ODAD4: variants seen among roughly 807,000 people sequenced by gnomAD.
The protein encoded by ODAD4 is outer dynein arm docking complex subunit 4, also known as outer dynein arm-docking complex subunit 4.
In ODAD4, 49 loss-of-function variants were observed where a neutral mutation model predicts 51.8. The observed-to-expected ratio is 0.95, with a 90% confidence interval of 0.75 to 1.20. ODAD4 has a LOEUF of 1.20. Among genes scored for constraint, ODAD4 ranks in the 50% most tolerant of loss-of-function variants. ODAD4 has a pLI of 0.00. For synonymous variants in ODAD4, 235 were observed against 221.3 expected (o/e 1.06, Z -0.55); for missense variants, 590 against 586.5 (o/e 1.01, Z -0.06).
intron 1 of ODAD4, among the ~76,000 whole-genome samples, chr17:41,934,337 G>T (rs927558844): frequency 1.4e-5 from 2 of 142,668 alleles, no homozygotes; most frequent in African/African-American, 5.3e-5. Flanking sequence ...CACTGCACCC[G>T]GCCTCTTTTT....
At chr17:41,941,698 G>A (rs911704146) in intron 7 of ODAD4, among the ~76,000 whole-genome samples, 6 of 151,142 alleles carry the variant, frequency 4.0e-5, no homozygotes, top group South Asian at 2.1e-4. Flanking sequence ...GGAGAATGGC[G>A]TGAACCCAGG....
intron 11 of ODAD4, among the ~76,000 whole-genome samples, chr17:41,964,438 C>T (rs1555642192): frequency 6.6e-6 from 1 of 152,178 alleles, no homozygotes. Flanking sequence ...TTCATGATGT[C>T]TGGATGGGAT....
chr17:41,930,965 C>T, intron 1 of ODAD4, 128 bp downstream of exon 1: 1 of 572,848 alleles, frequency 1.7e-6, no homozygotes, highest in Non-Finnish European at 3.0e-6. Flanking sequence ...ACGATCTCGG[C>T]TCGCCGCAAC....
intron 10 of ODAD4, among the ~76,000 whole-genome samples, chr17:41,956,327 G>T (rs1166320337): frequency 6.6e-6 from 1 of 151,794 alleles, no homozygotes; most frequent in African/African-American, 2.4e-5. Flanking sequence ...GGGATTATAG[G>T]TGTGAGCCAC....
chr17:41,947,395 G>C (rs1228457588), intron 8 of ODAD4, among the ~76,000 whole-genome samples: 5 of 151,864 alleles, frequency 3.3e-5, no homozygotes, highest in Middle Eastern at 3.2e-3. Context: ...TGAGGCAGGA[G>C]AATTGCTTGA....
rs1555636571 is a variant in ODAD4, at chr17:41,930,691, G to A, written c.-33G>A. ...GAGGTTCTCCAGCTTTTCTTTGATT[G>A]TCTCTGCTTTAGCGTCTCTAAATCC... On this transcript the variant is annotated 5_prime_UTR_variant, in exon 1 of 12. Coordinates refer to ENST00000377540, the MANE Select transcript of ODAD4 (RefSeq NM_031421.5). The A allele has an allele frequency of 1.4e-6, 2 of 1,391,792 alleles. No homozygotes were observed. Among genetic ancestry groups the A allele is most frequent in the Non-Finnish European group, 2.0e-6 (2 of 992,188 alleles). 86.2% of individuals were successfully genotyped at this position (1,391,792 alleles called of 1,614,324 possible). A position where few individuals can be genotyped will look rare whatever the true frequency, so the allele number is the denominator to read the frequency against.
chr17:41,940,338 G>T (rs2050489047), intron 7 of ODAD4, among the ~76,000 whole-genome samples: 1 of 152,188 alleles, frequency 6.6e-6, no homozygotes, highest in Non-Finnish European at 1.5e-5. Context: ...CTGCCTGCAG[G>T]TTAAAGGTCA....
At position 41,936,910 on chromosome 17, in the gene ODAD4, A is replaced by G. The variant is rs1312045885; in HGVS notation, c.608A>G (p.Lys203Arg). 1.9e-6 allele frequency: 3 copies of G among 1,613,770 alleles called. No individual in the cohort carries two copies. The highest frequency in any genetic ancestry group is 2.5e-6 in the Non-Finnish European group (3 of 1,179,848). The stretch of plus-strand genomic sequence containing the variant: ...TACGTGGACAAAGAGTATTTGGAGA[A>G]GCTCCTATTGGATGAAGGTTTCGGA... ...ELYVDKEYLE[K>R]LLLDEDLIKG... is the part of the protein sequence containing the mutation. Residue 203 changes from lysine (K) to arginine (R), a missense_variant, in exon 5 of 12, where the codon AAG (lysine) becomes AGG (arginine). Lys to Arg is a conservative substitution (Grantham distance 26, BLOSUM62 2). This residue lies in a region of ODAD4 where 360 missense variants were observed against 407.5 expected (regional missense o/e 0.88). Coordinates refer to ENST00000377540, the MANE Select transcript of ODAD4 (RefSeq NM_031421.5).
intron 7 of ODAD4, among the ~76,000 whole-genome samples, chr17:41,944,444 A>ACACACACACACACACCCC (rs1191101800): frequency 2.6e-4 from 5 of 19,570 alleles, no homozygotes; most frequent in Non-Finnish European, 3.6e-4. Flanking sequence ...ACACACACAC[A>ACACACACACACACACCCC]CCCCCCCGCA....
intron 6 of ODAD4, 30 bp downstream of exon 6, chr17:41,938,811 G>T: frequency 6.2e-7 from 1 of 1,604,086 alleles, no homozygotes; most frequent in Non-Finnish European, 8.5e-7. Context: ...GGTGGGGCAG[G>T]TGCCTCCAGT....
chr17:41,956,030 G>A (rs1296281359), intron 10 of ODAD4, among the ~76,000 whole-genome samples: 11 of 149,018 alleles, frequency 7.4e-5, no homozygotes, highest in Non-Finnish European at 1.0e-4. Flanking sequence ...GGGATTACAC[G>A]TGTAAACTGT....
At chr17:41,961,838 G>T (rs1555641799) in intron 11 of ODAD4, among the ~76,000 whole-genome samples, 1 of 152,234 alleles carries the variant, frequency 6.6e-6, no homozygotes, top group Non-Finnish European at 1.5e-5. Flanking sequence ...GTTGTCAGCT[G>T]CTGGGATCCT....
Position 41,935,202 on chromosome 17 carries a change from T to A in ODAD4, c.115-15T>A. 1 of 1,613,760 alleles carries A rather than the reference T, an allele frequency of 6.2e-7. No homozygotes were observed. Among genetic ancestry groups the A allele is most frequent in the Non-Finnish European group, 8.5e-7 (1 of 1,179,834 alleles). On this transcript the variant is annotated splice_polypyrimidine_tract_variant and intron_variant, in intron 1 of 11. Transcript: ENST00000377540. ...TCTTCATGCTGGCTGTCAACCTGAC[T>A]GGTTTCTTTGTCAGGCTCTTTACCT...
In ODAD4 at chr17:41,930,699, T is replaced by G. The variant is rs1555636575; in HGVS notation, c.-25T>G. On this transcript the variant is annotated 5_prime_UTR_variant, in exon 1 of 12. Transcript: ENST00000377540. ...CCAGCTTTTCTTTGATTGTCTCTGC[T>G]TTAGCGTCTCTAAATCCGGTCACCA... 3 of 1,467,820 alleles carry G rather than the reference T, an allele frequency of 2.0e-6. No individual in the cohort carries two copies. The East Asian group carries it at 6.9e-5, about 34-fold the overall frequency. 90.9% of individuals were successfully genotyped at this position (1,467,820 alleles called of 1,614,324 possible).
rs544290810 is a variant in ODAD4 at position 41,952,473 on chromosome 17, G to T, written c.1343-2744G>T. Among the ~76,000 whole-genome samples the T allele has an allele frequency of 3.4e-3, 448 of 133,518 alleles. 2 individuals carry two copies. The highest frequency in any genetic ancestry group is 0.012 in the Middle Eastern group (3 of 252). 87.6% of individuals were successfully genotyped at this position (133,518 alleles called of 152,430 possible). ...GATCACTTGAGCCCAGGTTGAGACC[G>T]CAGTGAGCCATGATCATGCCACTGC... On this transcript the variant is annotated intron_variant, in intron 9 of 11. Coordinates refer to ENST00000377540, the MANE Select transcript of ODAD4 (RefSeq NM_031421.5).
rs937918508 is a variant in ODAD4 at position 41,947,187 on chromosome 17, G to A, written c.1145+1965G>A. ...AATTAATATTTTAATAATAAGCGCA[G>A]GCCAGGCCGGGCGCGGTGGCTCACG... On this transcript the variant is annotated intron_variant, in intron 8 of 11. Transcript: ENST00000377540. Among the ~76,000 whole-genome samples the A allele has an allele frequency of 2.7e-3, 411 of 151,078 alleles. 2 individuals are homozygous for A. The highest frequency in any genetic ancestry group is 9.6e-3 in the African/African-American group (396 of 41,322).
intron 5 of ODAD4, 149 bp from the exon 6 acceptor site, chr17:41,938,408 A>C: frequency 1.5e-6 from 1 of 652,350 alleles, no homozygotes; most frequent in Non-Finnish European, 2.6e-6. Flanking sequence ...CCACTCTGCC[A>C]CTATGCGCAC....
At chr17:41,948,553 C>T in intron 8 of ODAD4, among the ~76,000 whole-genome samples, 1 of 151,762 alleles carries the variant, frequency 6.6e-6, no homozygotes, top group East Asian at 1.9e-4. Flanking sequence ...CTCAAGCAAT[C>T]CACCCACGTT....
At chr17:41,932,304 G>A (rs554583169) in intron 1 of ODAD4, among the ~76,000 whole-genome samples, 2 of 151,948 alleles carry the variant, frequency 1.3e-5, no homozygotes, top group Non-Finnish European at 2.9e-5. Flanking sequence ...CCCCACCTCA[G>A]GTGATCCCCC....
Sources: allele counts gnomAD v4.1 joint callset (sites outside exome capture counted in the v4.1 genomes callset), GRCh38; gene constraint gnomAD v4.1.1; regional missense constraint gnomAD v4.1.1; transcripts MANE v1.5; gene names NCBI Gene and HGNC (gene_info 2026-07-23, HGNC 2026-07-21).